LIFR: variants seen among roughly 807,000 people sequenced by gnomAD.
LIFR encodes LIF receptor subunit alpha.
Under a neutral mutation model 122.2 loss-of-function variants are expected in LIFR, and 84 were observed. The observed-to-expected ratio is 0.69, with a 90% CI of 0.58 to 0.82. The LOEUF (loss-of-function observed/expected upper bound fraction) is 0.82, where lower values mean the gene tolerates loss of function less well. Ranked by LOEUF, LIFR falls within the 40% of genes least tolerant of loss-of-function variation. The pLI is 0.00. For synonymous variants in LIFR, 422 were observed against 434.7 expected (o/e 0.97, Z 0.36); for missense variants, 1,294 against 1,311.6 (o/e 0.99, Z 0.21).
chr5:38,552,918 T>C lies in LIFR; in HGVS notation c.-20+3416A>G, dbSNP rs186561525. 3.1e-3 allele frequency among the ~76,000 whole-genome samples: 465 copies of C among 152,370 alleles called. 1 individual carries two copies. Among genetic ancestry groups the C allele is most frequent in the Non-Finnish European group, 5.2e-3 (356 of 68,034 alleles). On this transcript the variant is annotated intron_variant, in intron 1 of 19. Transcript: ENST00000453190. ...CCCACTATGTGATGAAGGTGGTTCC[T>C]GGTGCTGCAAATGCAATGGGTAACA...
At chr5:38,602,825 A>G (rs1750248260) in intron 2 of LIFR, among the ~76,000 whole-genome samples, 1 of 152,198 alleles carries the variant, frequency 6.6e-6, no homozygotes, top group South Asian at 2.1e-4. Context: ...TCTCAGGAAG[A>G]GACAAGCTCC....
chr5:38,582,084 T>C (rs950925360), intron 1 of LIFR, among the ~76,000 whole-genome samples: 5 of 150,612 alleles, frequency 3.3e-5, no homozygotes, highest in Admixed American at 2.0e-4. Context: ...TTTTTAGAGA[T>C]GGTGTCCTCT....
intron 1 of LIFR, among the ~76,000 whole-genome samples, chr5:38,566,707 G>T (rs1257002441): frequency 1.3e-5 from 2 of 152,118 alleles, no homozygotes; most frequent in Non-Finnish European, 2.9e-5. Flanking sequence ...CTTCCCAACA[G>T]TCATCCCTTT....
chr5:38,499,531 A>AT lies in LIFR; in HGVS notation c.1652dup (p.Asn551LysfsTer12). The AT allele has an allele frequency of 1.9e-6, 3 of 1,605,180 alleles. No individual in the cohort carries two copies. Among genetic ancestry groups the AT allele is most frequent in the Non-Finnish European group, 1.7e-6 (2 of 1,171,900 alleles). ...TATTTACCTTCCAATAGATTATTAA[A>AT]TTTTTTCCATCAGAACTCCACTCTC... On this transcript the variant is annotated frameshift_variant, in exon 12 of 20. Transcript: ENST00000453190. LOFTEE classifies it high-confidence loss of function.
At chr5:38,567,423 A>G (rs1749057931) in intron 1 of LIFR, among the ~76,000 whole-genome samples, 1 of 150,964 alleles carries the variant, frequency 6.6e-6, no homozygotes, top group Admixed American at 6.6e-5. Context: ...CCTCTTATCC[A>G]TTATTTGTTT....
chr5:38,494,310 C>A (rs1018867247), intron 13 of LIFR, among the ~76,000 whole-genome samples: 14 of 152,082 alleles, frequency 9.2e-5, no homozygotes, highest in Middle Eastern at 3.2e-3. Context: ...AAGAGCTGGG[C>A]TGAAGGGGTT....
At chr5:38,502,862 T>C (rs1244335308) in intron 10 of LIFR, 63 bp from the exon 11 acceptor site, 10 of 830,676 alleles carry the variant, frequency 1.2e-5, no homozygotes, top group Admixed American at 3.3e-5. Flanking sequence ...CATATATATA[T>C]ACATACACAT....
At chr5:38,572,680 T>A (rs1416483003) in intron 1 of LIFR, among the ~76,000 whole-genome samples, 3 of 152,178 alleles carry the variant, frequency 2.0e-5, no homozygotes, top group African/African-American at 7.2e-5. Context: ...TCATTTCCAA[T>A]CCATGAAATG....
intron 1 of LIFR, among the ~76,000 whole-genome samples, chr5:38,545,182 C>T (rs1228167556): frequency 6.6e-6 from 1 of 151,744 alleles, no homozygotes; most frequent in African/African-American, 2.4e-5. Flanking sequence ...AGACAGGAGA[C>T]TCACTTGAAC....
At chr5:38,576,650 G>A (rs1421070169) in intron 1 of LIFR, among the ~76,000 whole-genome samples, 1 of 152,172 alleles carries the variant, frequency 6.6e-6, no homozygotes, top group Non-Finnish European at 1.5e-5. Flanking sequence ...AGGCTTGGCT[G>A]GTTGTCATTT....
chr5:38,597,628 C>T (rs1750132988), upstream of LIFR, among the ~76,000 whole-genome samples: 1 of 152,186 alleles, frequency 6.6e-6, no homozygotes, highest in Non-Finnish European at 1.5e-5. Context: ...GGATGCTGCT[C>T]AGTATCCTAC....
intron 13 of LIFR, among the ~76,000 whole-genome samples, chr5:38,495,549 C>A (rs1744833513): frequency 6.6e-6 from 1 of 152,160 alleles, no homozygotes; most frequent in African/African-American, 2.4e-5. Context: ...AAGATGCAGT[C>A]AAGTAACAAT....
Position 38,502,649 on chromosome 5 carries a change from T to C in LIFR, c.1588A>G (p.Thr530Ala). The C allele has an allele frequency of 6.2e-7, 1 of 1,612,818 alleles. No individual in the cohort carries two copies. Among genetic ancestry groups the C allele is most frequent in the Non-Finnish European group, 8.5e-7 (1 of 1,179,118 alleles). The stretch of plus-strand genomic sequence containing the variant: ...TTAGTTAACTTACTGGCTTCTGTTG[T>C]TAAATGTTGTTTTTTATTGCTCCAT... ...SKWSNKKQHL[T>A]TEASPSKGPD... Residue 530 changes from threonine to alanine, a missense_variant, in exon 11 of 20, where the codon ACA (threonine) becomes GCA (alanine). By Grantham distance (58) the Thr-to-Ala change is moderately conservative. Coordinates refer to ENST00000453190, the MANE Select transcript of LIFR (RefSeq NM_001127671.2).
chr5:38,571,073 T>C (rs887867832), intron 1 of LIFR, among the ~76,000 whole-genome samples: 1 of 152,320 alleles, frequency 6.6e-6, no homozygotes, highest in Admixed American at 6.5e-5. Flanking sequence ...AGAATCTGTG[T>C]GTCTCCTGAG....
Position 38,481,956 on chromosome 5 carries a change from T to C in LIFR, c.2933A>G (p.Gln978Arg), listed in dbSNP as rs1278330063. The part of the protein sequence containing the change: ...GTAQVIYIDV[Q>R]SMYQPQAKPE... Reference sequence around the variant, plus strand: ...TTTTGCTTGAGGCTGATACATCGACTGAACATCAATGTAAATAACCTGTGC... The same window carrying C: ...TTTTGCTTGAGGCTGATACATCGACCGAACATCAATGTAAATAACCTGTGC... The change falls in exon 20 of 20, where the codon CAG becomes CGG. Residue 978 changes from glutamine (Q) to arginine (R), a missense_variant. Transcript: ENST00000453190. 1 of 1,614,174 alleles carries C rather than the reference T, an allele frequency of 6.2e-7. No homozygotes were observed.
intron 1 of LIFR, among the ~76,000 whole-genome samples, chr5:38,576,946 A>G (rs553018646): frequency 7.2e-5 from 11 of 152,356 alleles, no homozygotes; most frequent in South Asian, 2.1e-4. Context: ...CACATAAGCA[A>G]AACCATTGAT....
At chr5:38,584,669 A>G (rs1157781982) in intron 1 of LIFR, among the ~76,000 whole-genome samples, 1 of 152,144 alleles carries the variant, frequency 6.6e-6, no homozygotes, top group Non-Finnish European at 1.5e-5. Context: ...CAGAAAATCA[A>G]ATAGACAAGG....
chr5:38,605,937 C>T lies in LIFR; in HGVS notation n.305+268G>A, dbSNP rs115640503. Among the ~76,000 whole-genome samples, 994 of 152,298 alleles carry T rather than the reference C, an allele frequency of 6.5e-3. 11 individuals are homozygous for T. The highest frequency in any genetic ancestry group is 0.023 in the African/African-American group (949 of 41,570). ...CTAAAATGTATAAAACCCAGATGTG[C>T]CCCGACCACCTCGTCGTCAGGACCT... is the stretch of plus-strand genomic sequence containing the variant. On this transcript the variant is annotated intron_variant and non_coding_transcript_variant, in intron 2 of 3. Transcript: ENST00000507786.
intron 2 of LIFR, 35 bp from the exon 3 acceptor site, chr5:38,528,875 CACAG>C (rs1295061534): frequency 3.6e-5 from 17 of 471,796 alleles, no homozygotes; most frequent in South Asian, 1.7e-4. Flanking sequence ...CACACACACA[CACAG>C]ACACACATAA....
Sources: allele counts gnomAD v4.1 joint callset (sites outside exome capture counted in the v4.1 genomes callset), GRCh38; gene constraint gnomAD v4.1.1; transcripts MANE v1.5; gene names NCBI Gene and HGNC (gene_info 2026-07-23, HGNC 2026-07-21).